Variants in SLC30A2 observed in about 807,000 individuals in gnomAD.
The protein encoded by SLC30A2 is proton-coupled zinc antiporter SLC30A2.
Under a neutral mutation model 39.6 loss-of-function variants are expected in SLC30A2, and 19 were observed. The observed-to-expected ratio is 0.48, with a 90% CI of 0.34 to 0.70. The LOEUF is 0.70. SLC30A2 is among the 30% of genes least tolerant of loss of function. The pLI is 0.01. For missense variants in SLC30A2, 387 were observed against 479.4 expected (o/e 0.81, Z 1.80); for synonymous variants, 195 against 194.8 (o/e 1.00, Z -0.01).
At position 26,045,074 on chromosome 1, in the gene SLC30A2, G is replaced by A. The variant is rs746634287; in HGVS notation, c.194C>T (p.Pro65Leu). ...CTGGCGCTGGGCCTTCCCCTTCTTG[G>A]GGTCACAGTGACTGTCAGGACCCTT... ...AQKGPDSHCD[P>L]KKGKAQRQLY... The change falls in exon 2 of 8, where the codon CCC becomes CTC. Residue 65 changes from proline to leucine, a missense_variant. By Grantham distance (98) the Pro-to-Leu change is moderately conservative (BLOSUM62 -3). Coordinates refer to ENST00000374276, the MANE Select transcript of SLC30A2 (RefSeq NM_001004434.3). 1 of 1,614,206 alleles carries A rather than the reference G, an allele frequency of 6.2e-7. No homozygotes were observed.
Position 26,037,343 on chromosome 1 carries a change from C to T in SLC30A2, c.*1817G>A. On this transcript the variant is annotated 3_prime_UTR_variant, in exon 8 of 8. Coordinates refer to ENST00000374276, the MANE Select transcript of SLC30A2 (RefSeq NM_001004434.3). ...CTGCCTCCCCGGTTCAAGCGATTCT[C>T]CTGCCTCAGCCTCCCGAGTAGCTGG... 1 of 151,428 alleles carries T rather than the reference C, an allele frequency of 6.6e-6. No homozygotes were observed. Among genetic ancestry groups the T allele is most frequent in the Non-Finnish European group, 1.5e-5 (1 of 68,094 alleles). The allele number at this position is 151,428 out of a possible 1,614,324, so 9.4% of individuals were successfully genotyped here.
chr1:26,045,760 C>G lies in SLC30A2; in HGVS notation c.50+87G>C, dbSNP rs2050456217. ...TGCATGGTCCCAGCTCAAGCCGCAG[C>G]CAAAACCAACCACTGCTAGGATGGC... On this transcript the variant is annotated intron_variant, in intron 1 of 7. Transcript: ENST00000374276. The G allele has an allele frequency of 5.0e-6, 8 of 1,606,378 alleles. No homozygotes were observed. In the South Asian group the frequency reaches 8.9e-5, roughly 18 times the overall value.
At chr1:26,043,316 C>A in intron 4 of SLC30A2, 82 bp downstream of exon 4, 2 of 1,435,148 alleles carry the variant, frequency 1.4e-6, no homozygotes, top group South Asian at 1.2e-5. Context: ...GTGGCACAGT[C>A]TCTTTCCGCA....
chr1:26,045,838 T>G lies in SLC30A2; in HGVS notation c.50+9A>C. 2.5e-6 allele frequency: 4 copies of G among 1,613,620 alleles called. No individual in the cohort carries two copies. The East Asian group carries it at 8.9e-5, about 36-fold the overall frequency. On this transcript the variant is annotated intron_variant, in intron 1 of 7. Coordinates refer to ENST00000374276, the MANE Select transcript of SLC30A2 (RefSeq NM_001004434.3). ...AAAATTCCCGCCCGTCCCCAGGCTC[T>G]CGCCTTACCGGATTGCCGGCCTGGC...
intron 5 of SLC30A2, 84 bp from the exon 6 acceptor site, chr1:26,041,889 G>A (rs761471807): frequency 6.1e-6 from 5 of 815,498 alleles, no homozygotes; most frequent in Non-Finnish European, 1.0e-5. Flanking sequence ...GCACTGCTGG[G>A]GAGAGGTGCT....
intron 5 of SLC30A2, 95 bp from the exon 6 acceptor site, chr1:26,041,900 C>G (rs1011323817): frequency 1.3e-6 from 1 of 754,692 alleles, no homozygotes; most frequent in Admixed American, 2.3e-5. Context: ...GAGAGGTGCT[C>G]TCTCTGCTGG....
At chr1:26,042,881 G>C (rs2050414707) in intron 4 of SLC30A2, among the ~76,000 whole-genome samples, 173 bp from the exon 5 acceptor site, 1 of 152,158 alleles carries the variant, frequency 6.6e-6, no homozygotes, top group Non-Finnish European at 1.5e-5. Context: ...TGAGAGATAG[G>C]GCCCAGCGCC....
rs1435705052 is a variant in SLC30A2, at chr1:26,039,796, C to G, written c.954G>C (p.Leu318=). The change falls in exon 7 of 8, where the codon CTG becomes CTC. Residue 318 remains leucine (L), a synonymous_variant. Transcript: ENST00000374276. The surrounding 1 kb of genome is among the most constrained non-coding windows in gnomAD (Gnocchi z 4.3). ...ACTCACCAATGGCGATGTGGACAGACAGAACAGGCTGGGCCACCGTCAGTG... is the reference window on the plus strand; with the variant it reads ...ACTCACCAATGGCGATGTGGACAGAGAGAACAGGCTGGGCCACCGTCAGTG... ...IWALTVAQPV[L]SVHIAIAQNT... 3.1e-6 allele frequency: 5 copies of G among 1,613,964 alleles called. No individual in the cohort carries two copies. The highest frequency in any genetic ancestry group is 4.2e-6 in the Non-Finnish European group (5 of 1,180,014).
chr1:26,042,516 GCCACCCCCA>G, intron 5 of SLC30A2, 24 bp downstream of exon 5: 1 of 1,595,062 alleles, frequency 6.3e-7, no homozygotes, highest in Non-Finnish European at 8.6e-7. Context: ...ACACTCCCCT[GCCACCCCCA>G]CCACCCTGTG....
intron 5 of SLC30A2, 68 bp from the exon 6 acceptor site, chr1:26,041,873 CA>C: frequency 1.1e-6 from 1 of 940,270 alleles, no homozygotes; most frequent in Non-Finnish European, 1.7e-6. Context: ...TCTCCCCTCC[CA>C]CCCAGCACTG....
In SLC30A2 at chr1:26,042,722, G is replaced by A. The variant is rs781222327; in HGVS notation, c.573-14C>T. ...GTCAACCCCATTCTATGGAAGTGGA[G>A]ACAAAGCCAAGGGCTCACTGAGGTC... On this transcript the variant is annotated splice_polypyrimidine_tract_variant and intron_variant, in intron 4 of 7. Transcript: ENST00000374276. The A allele has an allele frequency of 6.9e-5, 111 of 1,612,396 alleles. 2 individuals are homozygous for A. In the South Asian group the frequency reaches 1.1e-3, roughly 16 times the overall value.
intron 6 of SLC30A2, among the ~76,000 whole-genome samples, chr1:26,040,972 C>T (rs1354127796): frequency 1.3e-5 from 2 of 151,446 alleles, no homozygotes; most frequent in Non-Finnish European, 2.9e-5. Context: ...TGGCATGCGC[C>T]TGTGGTCCCA....
In SLC30A2 at chr1:26,038,847, T is replaced by C. The variant is rs2050367151; in HGVS notation, c.*313A>G. Reference sequence around the variant, plus strand: ...GGCCAGCCTCCCCTTGGACGTCCCGTGGCTCACCACCTTTGCCCCTGCGAG... The same window carrying C: ...GGCCAGCCTCCCCTTGGACGTCCCGCGGCTCACCACCTTTGCCCCTGCGAG... On this transcript the variant is annotated 3_prime_UTR_variant, in exon 8 of 8. Transcript: ENST00000374276. The C allele has an allele frequency of 5.0e-6, 2 of 398,480 alleles. No homozygotes were observed. Among genetic ancestry groups the C allele is most frequent in the African/African-American group, 4.1e-5 (2 of 48,274 alleles). The allele number at this position is 398,480 out of a possible 1,614,324, so 24.7% of individuals were successfully genotyped here.
At position 26,038,137 on chromosome 1, in the gene SLC30A2, C is replaced by G. The variant is rs1445359407; in HGVS notation, c.*1023G>C. 6.6e-6 allele frequency: 1 copy of G among 152,248 alleles called. No homozygotes were observed. Among genetic ancestry groups the G allele is most frequent in the Non-Finnish European group, 1.5e-5 (1 of 68,072 alleles). 9.4% of individuals were successfully genotyped at this position (152,248 alleles called of 1,614,324 possible). ...CGCCCAAGGCACTTGCTTACAATGG[C>G]AGAGACAGACCTTGTGACACAGGAC... On this transcript the variant is annotated 3_prime_UTR_variant, in exon 8 of 8. Coordinates refer to ENST00000374276, the MANE Select transcript of SLC30A2 (RefSeq NM_001004434.3).
intron 1 of SLC30A2, 138 bp from the exon 2 acceptor site, chr1:26,045,355 T>C: frequency 2.9e-6 from 2 of 679,116 alleles, no homozygotes; most frequent in South Asian, 3.8e-5. Context: ...AAACCAGAGG[T>C]GAGAAGCCTG....
chr1:26,042,456 G>A, intron 5 of SLC30A2, 93 bp downstream of exon 5: 2 of 1,144,362 alleles, frequency 1.7e-6, no homozygotes, highest in South Asian at 1.5e-5. Flanking sequence ...AACTGGGAGG[G>A]AGCTAGAATC....
chr1:26,046,078 G>T lies in SLC30A2; in HGVS notation c.-182C>A, dbSNP rs1335977870. The T allele has an allele frequency of 5.2e-5, 68 of 1,316,814 alleles. No individual in the cohort carries two copies. Among genetic ancestry groups the T allele is most frequent in the Non-Finnish European group, 6.3e-5 (66 of 1,039,866 alleles). The allele number at this position is 1,316,814 out of a possible 1,614,324, so 81.6% of individuals were successfully genotyped here. A position where few individuals can be genotyped will look rare whatever the true frequency, so the allele number is the denominator to read the frequency against. ...CGGCTCCCGCTGCGGCTGCAGCTCCGGCTCTGGCTCCGCGTGCCAAGCGCT... is the reference window on the plus strand; with the variant it reads ...CGGCTCCCGCTGCGGCTGCAGCTCCTGCTCTGGCTCCGCGTGCCAAGCGCT... On this transcript the variant is annotated 5_prime_UTR_variant, in exon 1 of 8. Transcript: ENST00000374276. This position sits in a 1 kb window ranked among gnomAD's most constrained non-coding sequence, Gnocchi z 4.4.
chr1:26,044,772 A>G (rs2050439942), intron 2 of SLC30A2, among the ~76,000 whole-genome samples: 1 of 152,236 alleles, frequency 6.6e-6, no homozygotes, highest in Non-Finnish European at 1.5e-5. Context: ...GATCTTTGGC[A>G]AGTTACTTCA....
rs780009069 is a variant in SLC30A2 at position 26,039,148 on chromosome 1, C to A, written c.*12G>T. The A allele has an allele frequency of 2.5e-6, 4 of 1,612,200 alleles. No individual in the cohort carries two copies. The highest frequency in any genetic ancestry group is 1.3e-5 in the African/African-American group (1 of 74,900). Reference sequence around the variant, plus strand: ...GTCCTGTTCATGCCCCAGTTGGTGCCTGGCTGAGCAGTCAGTCTGAGGGGC... The same window carrying A: ...GTCCTGTTCATGCCCCAGTTGGTGCATGGCTGAGCAGTCAGTCTGAGGGGC... On this transcript the variant is annotated 3_prime_UTR_variant, in exon 8 of 8. Transcript: ENST00000374276. This position sits in a 1 kb window ranked among gnomAD's most constrained non-coding sequence, Gnocchi z 4.3.
Sources: gnomAD v4.1 joint callset for allele counts (sites outside exome capture counted in the v4.1 genomes callset) on GRCh38, gnomAD v4.1.1 for gene constraint, Gnocchi (gnomAD v3.1) non-coding constraint, MANE v1.5 for transcripts, NCBI Gene and HGNC (gene_info 2026-07-23, HGNC 2026-07-21) for gene names.